The following CFAP47 variants were observed in gnomAD, a reference collection of about 807,000 sequenced individuals.
CFAP47 encodes cilia- and flagella-associated protein 47.
A neutral mutation model predicts 148.1 loss-of-function variants in CFAP47; 29 were observed. The observed-to-expected ratio is 0.20, with a 90% CI of 0.15 to 0.27. CFAP47 has a LOEUF of 0.27. Ranked by LOEUF, CFAP47 falls within the 10% of genes least tolerant of loss-of-function variation. The probability of loss-of-function intolerance (pLI) is 1.00; values close to 1 mark genes in which losing one functional copy is unlikely to be tolerated. For missense variants in CFAP47, 1,872 were observed against 1,697.5 expected (o/e 1.10, Z -1.81); for synonymous variants, 664 against 577.3 (o/e 1.15, Z -2.15).
intron 34 of CFAP47, 128 bp from the exon 35 acceptor site, chrX:36,138,220 T>C (rs1939077954): frequency 1.3e-6 from 1 of 748,085 alleles, no homozygotes; most frequent in African/African-American, 2.2e-5. Context: ...TTCTTGCATT[T>C]TGATTGCAAT....
At chrX:36,223,390 T>G (rs1173213139) in intron 45 of CFAP47, among the ~76,000 whole-genome samples, 1 of 110,740 alleles carries the variant, frequency 9.0e-6, no homozygotes, top group Non-Finnish European at 1.9e-5. Context: ...CTCTAAAATA[T>G]AATTATTCAT....
chrX:36,035,440 C>T (rs1278965647), intron 23 of CFAP47, among the ~76,000 whole-genome samples: 11 of 111,655 alleles, frequency 9.9e-5, no homozygotes, highest in Non-Finnish European at 2.1e-4. Flanking sequence ...GATTTACATA[C>T]ATTTAAGTTT....
intron 22 of CFAP47, among the ~76,000 whole-genome samples, chrX:36,020,230 T>C (rs1937142211): frequency 8.9e-6 from 1 of 112,264 alleles, no homozygotes; most frequent in South Asian, 3.6e-4. Context: ...TTTGAATGTT[T>C]TAAGACTTGT....
At chrX:36,293,956 C>T (rs1941216284) in intron 51 of CFAP47, among the ~76,000 whole-genome samples, 1 of 110,989 alleles carries the variant, frequency 9.0e-6, no homozygotes, top group Non-Finnish European at 1.9e-5. Flanking sequence ...GCACTTTCAT[C>T]GGCACAAGTC....
At position 36,299,037 on chromosome X, in the gene CFAP47, G is replaced by A; in HGVS notation, c.7747G>A (p.Val2583Met). 7.8e-6 allele frequency: 9 copies of A among 1,150,434 alleles called. No homozygotes were observed. Among genetic ancestry groups the A allele is most frequent in the Non-Finnish European group, 1.0e-5 (9 of 858,834 alleles). The allele number at this position is 1,150,434 out of a possible 1,213,427, so 94.8% of individuals were successfully genotyped here. A position where few individuals can be genotyped will look rare whatever the true frequency, so the allele number is the denominator to read the frequency against. ...AAAAGATAGAGGTCTTCACTTAGAG[G>A]TGCAGTTAACGAGTGCTGCCCTTAA... The part of the protein sequence containing the change: ...NPKDRGLHLE[V>M]QLTSAALNGD... Residue 2583 changes from valine to methionine, a missense_variant, in exon 52 of 64, where the codon GTG becomes ATG. Physicochemically the swap from Val to Met is conservative, Grantham distance 21 (BLOSUM62 1). Coordinates refer to ENST00000378653, the MANE Select transcript of CFAP47 (RefSeq NM_001304548.2).
chrX:36,129,413 A>G (rs1006476065), intron 33 of CFAP47, among the ~76,000 whole-genome samples: 8 of 110,958 alleles, frequency 7.2e-5, no homozygotes, highest in African/African-American at 1.3e-4. Context: ...TCACTTATGT[A>G]GAAGTTATAT....
chrX:36,035,777 G>A lies in CFAP47; in HGVS notation c.3734G>A (p.Gly1245Asp). ...AATACTGGCAAACTTTTCAAAGACG[G>A]CACATTCAAGTTCAGTGTACTGAAT... ...LSNTGKLFKD[G>D]TFKFSVLNGI... Residue 1245 changes from glycine (G) to aspartate (D), a missense_variant, in exon 24 of 64, where the codon GGC (glycine) becomes GAC (aspartate). Coordinates refer to ENST00000378653, the MANE Select transcript of CFAP47 (RefSeq NM_001304548.2). 1 of 296,233 alleles carries A rather than the reference G, an allele frequency of 3.4e-6. No individual in the cohort carries two copies. Among genetic ancestry groups the A allele is most frequent in the Non-Finnish European group, 5.9e-6 (1 of 169,501 alleles). The allele number at this position is 296,233 out of a possible 1,213,427, so 24.4% of individuals were successfully genotyped here.
intron 40 of CFAP47, among the ~76,000 whole-genome samples, chrX:36,183,242 C>T (rs893277121): frequency 4.5e-5 from 5 of 111,038 alleles, no homozygotes; most frequent in African/African-American, 1.6e-4. Flanking sequence ...TCATTTATGC[C>T]TGGGTGGCAG....
chrX:35,955,242 T>C (rs1432037253), intron 7 of CFAP47, among the ~76,000 whole-genome samples: 1 of 112,138 alleles, frequency 8.9e-6, no homozygotes, highest in Non-Finnish European at 1.9e-5. Context: ...TCCTTCAGTC[T>C]CTTGTTTCAA....
At chrX:36,135,551 G>A (rs1025779421) in intron 33 of CFAP47, among the ~76,000 whole-genome samples, 1 of 111,600 alleles carries the variant, frequency 9.0e-6, no homozygotes, top group South Asian at 3.7e-4. Flanking sequence ...GACCCCACAA[G>A]ACTACATATT....
chrX:36,161,062 G>A (rs980424122), intron 39 of CFAP47, among the ~76,000 whole-genome samples: 7 of 109,991 alleles, frequency 6.4e-5, no homozygotes, highest in Non-Finnish European at 9.5e-5. Flanking sequence ...TGGCCAGGAT[G>A]ATCTCGATCT....
At chrX:36,123,262 C>A (rs1938776652) in intron 33 of CFAP47, among the ~76,000 whole-genome samples, 1 of 112,069 alleles carries the variant, frequency 8.9e-6, no homozygotes, top group African/African-American at 3.2e-5. Flanking sequence ...TGGGTCTTAC[C>A]CAAGGCCTGC....
chrX:36,071,804 G>A, intron 27 of CFAP47, 21 bp from the exon 28 acceptor site: 3 of 1,193,711 alleles, frequency 2.5e-6, no homozygotes, highest in East Asian at 6.0e-5. Flanking sequence ...TGCTTACTGT[G>A]ATCCAATGTG....
intron 51 of CFAP47, among the ~76,000 whole-genome samples, chrX:36,293,231 A>C (rs1331279903): frequency 8.9e-6 from 1 of 112,035 alleles, no homozygotes; most frequent in Non-Finnish European, 1.9e-5. Context: ...GAAGTCACAA[A>C]CCTGGGAACT....
intron 48 of CFAP47, among the ~76,000 whole-genome samples, chrX:36,248,815 A>C (rs1474427828): frequency 2.7e-5 from 3 of 111,082 alleles, no homozygotes; most frequent in African/African-American, 9.8e-5. Context: ...TTTAAAAGCG[A>C]GGTAATCATG....
chrX:36,001,568 G>T (rs1936915223), intron 20 of CFAP47, 45 bp from the exon 21 acceptor site: 1 of 287,807 alleles, frequency 3.5e-6, no homozygotes, highest in South Asian at 2.1e-4. Context: ...TTTAGAAATT[G>T]ATTTTTGATT....
At position 36,256,946 on chromosome X, in the gene CFAP47, A is replaced by T. The variant is rs1555999076; in HGVS notation, c.7444+5502A>T. On this transcript the variant is annotated intron_variant, in intron 49 of 63. Coordinates refer to ENST00000378653, the MANE Select transcript of CFAP47 (RefSeq NM_001304548.2). Reference sequence around the variant, plus strand: ...TCTGTGTGTTTAACTCAAAATTTTCAGTTGAGAGAGGATTCTCTGAATATC... The same window carrying T: ...TCTGTGTGTTTAACTCAAAATTTTCTGTTGAGAGAGGATTCTCTGAATATC... Among the ~76,000 whole-genome samples the T allele has an allele frequency of 2.7e-5, 3 of 112,339 alleles. No homozygotes were observed. The South Asian group carries it at 1.1e-3, about 41-fold the overall frequency.
intron 45 of CFAP47, among the ~76,000 whole-genome samples, chrX:36,225,411 G>A (rs1940259038): frequency 8.9e-6 from 1 of 111,796 alleles, no homozygotes; most frequent in Non-Finnish European, 1.9e-5. Context: ...GCACAGGGTA[G>A]CTGGGTGCTA....
chrX:36,214,135 T>G (rs1940133255), intron 45 of CFAP47, among the ~76,000 whole-genome samples: 1 of 112,202 alleles, frequency 8.9e-6, no homozygotes, highest in South Asian at 3.7e-4. Context: ...GTACAACCTG[T>G]TGCTCTGAGG....
Sources: allele counts gnomAD v4.1 joint callset (sites outside exome capture counted in the v4.1 genomes callset), GRCh38; gene constraint gnomAD v4.1.1; transcripts MANE v1.5; gene names NCBI Gene and HGNC (gene_info 2026-07-23, HGNC 2026-07-21).